The following IL13RA1 variants were observed in gnomAD, a reference collection of about 807,000 sequenced individuals.
The protein encoded by IL13RA1 is interleukin 13 receptor subunit alpha 1.
In IL13RA1, 14 loss-of-function variants were observed where a neutral mutation model predicts 33.8. That is an observed-to-expected ratio of 0.41 (90% CI 0.27 to 0.65). The LOEUF (loss-of-function observed/expected upper bound fraction) is 0.65. IL13RA1 is among the 30% of genes least tolerant of loss of function. The pLI, the probability that IL13RA1 is intolerant of heterozygous loss-of-function variation, is 0.28. For synonymous variants in IL13RA1, 116 were observed against 115.7 expected (o/e 1.00, Z -0.02); for missense variants, 313 against 327.0 (o/e 0.96, Z 0.33).
chrX:118,765,001 G>A (rs2495624), intron 6 of IL13RA1, among the ~76,000 whole-genome samples: 33,669 of 111,172 alleles, frequency 0.3, 4,667 homozygotes, highest in African/African-American at 0.52. Context: ...TTCAGTTGCT[G>A]TCCTCCCAAA....
At chrX:118,790,120 A>G (rs1399166584) in intron 10 of IL13RA1, among the ~76,000 whole-genome samples, 2 of 112,042 alleles carry the variant, frequency 1.8e-5, no homozygotes, top group Admixed American at 9.5e-5. Context: ...ATCATCTCCT[A>G]AAAGTTATCT....
intron 1 of IL13RA1, among the ~76,000 whole-genome samples, chrX:118,729,560 C>T (rs1037292349): frequency 1.6e-4 from 18 of 111,892 alleles, no homozygotes; most frequent in Non-Finnish European, 3.2e-4. Context: ...CAGCTCTAAT[C>T]CTCAGAGTGT....
Position 118,758,175 on chromosome X carries a change from A to G in IL13RA1, c.609A>G (p.Gln203=), listed in dbSNP as rs1342704369. The change falls in exon 5 of 11, where the codon CAA becomes CAG. Residue 203 remains glutamine, a synonymous_variant. Coordinates refer to ENST00000371666, the MANE Select transcript of IL13RA1 (RefSeq NM_001560.3). ...CCAGTTTTGAACAACACAGTGTCCA[A>G]ATAATGGTCAAGGATAATGCAGGAA... ...KDSSFEQHSV[Q]IMVKDNAGKI... 8 of 1,139,128 alleles carry G rather than the reference A, an allele frequency of 7.0e-6. No homozygotes were observed. Among genetic ancestry groups the G allele is most frequent in the African/African-American group, 1.8e-5 (1 of 56,030 alleles). 93.9% of individuals were successfully genotyped at this position (1,139,128 alleles called of 1,213,427 possible).
chrX:118,731,405 A>G, intron 1 of IL13RA1, among the ~76,000 whole-genome samples: 1 of 110,825 alleles, frequency 9.0e-6, no homozygotes, highest in Non-Finnish European at 1.9e-5. Context: ...GGCGAAACCC[A>G]GTCTCTACTA....
rs2017414198 is a variant in IL13RA1 at position 118,747,108 on chromosome X, G to A, written c.367+16G>A. ...CCCCCAGAAGGTAACAACTGAAAGC[G>A]CTATCTCTTGGTGTTTAGAGAATAA... On this transcript the variant is annotated intron_variant, in intron 3 of 10. Transcript: ENST00000371666. The A allele has an allele frequency of 2.8e-6, 3 of 1,070,430 alleles. No homozygotes were observed. The highest frequency in any genetic ancestry group is 2.0e-5 in the South Asian group (1 of 51,199). The allele number at this position is 1,070,430 out of a possible 1,213,427, so 88.2% of individuals were successfully genotyped here.
At chrX:118,751,428 T>C (rs1168529807) in intron 4 of IL13RA1, among the ~76,000 whole-genome samples, 1 of 111,730 alleles carries the variant, frequency 9.0e-6, no homozygotes, top group Non-Finnish European at 1.9e-5. Flanking sequence ...GTGACCTGCA[T>C]TAAATTAAGT....
At chrX:118,755,278 C>A (rs1414228445) in intron 4 of IL13RA1, among the ~76,000 whole-genome samples, 2 of 111,269 alleles carry the variant, frequency 1.8e-5, no homozygotes, top group East Asian at 5.6e-4. Flanking sequence ...CAAAATAATT[C>A]ATTGAAGCCC....
intron 8 of IL13RA1, among the ~76,000 whole-genome samples, chrX:118,768,740 A>G (rs866955845): frequency 8.9e-6 from 1 of 111,887 alleles, no homozygotes; most frequent in Non-Finnish European, 1.9e-5. Flanking sequence ...CAGAGATTGC[A>G]GAGATGCAGC....
intron 1 of IL13RA1, among the ~76,000 whole-genome samples, chrX:118,734,245 A>C (rs1051846603): frequency 1.5e-4 from 17 of 112,472 alleles, no homozygotes; most frequent in African/African-American, 5.2e-4. Flanking sequence ...TAATACGTGA[A>C]CATGGGATGT....
At chrX:118,784,110 CGTATATATGT>C (rs1214210066) in intron 10 of IL13RA1, among the ~76,000 whole-genome samples, 1 of 41,072 alleles carries the variant, frequency 2.4e-5, no homozygotes, top group African/African-American at 9.0e-5. Flanking sequence ...TATATATATA[CGTATATATGT>C]ATATATATGT....
downstream of IL13RA1, among the ~76,000 whole-genome samples, chrX:118,799,205 C>G (rs914927476): frequency 8.8e-6 from 1 of 113,352 alleles, no homozygotes; most frequent in African/African-American, 3.2e-5. Flanking sequence ...GGGCAGGGCT[C>G]GGGACCTGCA....
At chrX:118,731,672 A>G (rs1281734946) in intron 1 of IL13RA1, among the ~76,000 whole-genome samples, 2 of 112,459 alleles carry the variant, frequency 1.8e-5, no homozygotes, top group Non-Finnish European at 3.8e-5. Flanking sequence ...TGTGGGCACT[A>G]TTCTAAGCAC....
chrX:118,728,661 A>G (rs1371662125), intron 1 of IL13RA1, among the ~76,000 whole-genome samples: 2 of 112,130 alleles, frequency 1.8e-5, no homozygotes, highest in Admixed American at 9.4e-5. Context: ...ATTTTTACCA[A>G]TGTGCTTTGA....
chrX:118,728,402 T>C (rs943951852), intron 1 of IL13RA1, among the ~76,000 whole-genome samples: 1 of 111,993 alleles, frequency 8.9e-6, no homozygotes, highest in East Asian at 2.8e-4. Flanking sequence ...ATAAACCTTA[T>C]ATTTTAGGGT....
At chrX:118,762,768 C>T (rs1447261442) in intron 6 of IL13RA1, among the ~76,000 whole-genome samples, 1 of 112,201 alleles carries the variant, frequency 8.9e-6, no homozygotes, top group African/African-American at 3.2e-5. Flanking sequence ...AGCTGAAATA[C>T]ACTTGTTTAC....
rs41311666 is a variant in IL13RA1, at chrX:118,766,674, C to T, written c.876+97C>T. 3.0e-3 allele frequency: 1,805 copies of T among 604,571 alleles called. 3 individuals carry two copies. The highest frequency in any genetic ancestry group is 7.9e-3 in the Middle Eastern group (25 of 3,146). 49.8% of individuals were successfully genotyped at this position (604,571 alleles called of 1,213,427 possible). ...GAGCTGCTTTGAGAAAAACAAATTA[C>T]GTTGTTCCGTGAGTTATTGACAATT... is the stretch of plus-strand genomic sequence containing the variant. On this transcript the variant is annotated intron_variant, in intron 7 of 10. Coordinates refer to ENST00000371666, the MANE Select transcript of IL13RA1 (RefSeq NM_001560.3).
intron 6 of IL13RA1, among the ~76,000 whole-genome samples, chrX:118,762,907 C>T (rs888938058): frequency 8.9e-6 from 1 of 112,054 alleles, no homozygotes; most frequent in African/African-American, 3.2e-5. Context: ...TTTCTCTCCA[C>T]TGAAAATATA....
rs2017980650 is a variant in IL13RA1, at chrX:118,792,009, G to A, written c.*155G>A. 1.2e-5 allele frequency: 4 copies of A among 326,184 alleles called. No homozygotes were observed. The highest frequency in any genetic ancestry group is 5.9e-5 in the Admixed American group (1 of 16,816). 26.9% of individuals were successfully genotyped at this position (326,184 alleles called of 1,213,427 possible). On this transcript the variant is annotated 3_prime_UTR_variant, in exon 11 of 11. Coordinates refer to ENST00000371666, the MANE Select transcript of IL13RA1 (RefSeq NM_001560.3). ...GCCACAGGTCTTTATGTTGAGTCGC[G>A]CACCGAAAAACTAAAAATAATGGGC...
At chrX:118,795,225 AAAAAAG>A (rs1569460787), downstream of IL13RA1, among the ~76,000 whole-genome samples, 1 of 105,368 alleles carries the variant, frequency 9.5e-6, no homozygotes, top group Non-Finnish European at 1.9e-5. Flanking sequence ...AAAAAAAAAA[AAAAAAG>A]AAAAAGAAAA....
Sources: gnomAD v4.1 joint callset for allele counts (sites outside exome capture counted in the v4.1 genomes callset) on GRCh38, gnomAD v4.1.1 for gene constraint, MANE v1.5 for transcripts, NCBI Gene and HGNC (gene_info 2026-07-23, HGNC 2026-07-21) for gene names.